Variants in FANCG observed in about 807,000 individuals in gnomAD.
FANCG encodes the protein FA complementation group G.
In FANCG, 67 loss-of-function variants were observed where a neutral mutation model predicts 73.3. The observed-to-expected ratio is 0.91, with a 90% confidence interval of 0.75 to 1.12. The LOEUF (loss-of-function observed/expected upper bound fraction) is 1.12, where lower values mean the gene tolerates loss of function less well. FANCG is among the 50% of genes most tolerant of loss of function. The pLI, the probability that FANCG is intolerant of heterozygous loss-of-function variation, is 0.00. For synonymous variants in FANCG, 297 were observed against 311.6 expected (o/e 0.95, Z 0.49); for missense variants, 643 against 735.6 (o/e 0.87, Z 1.46).
In FANCG at chr9:35,077,385, C is replaced by T; in HGVS notation, c.525G>A (p.Lys175=). The T allele has an allele frequency of 1.2e-6, 2 of 1,614,094 alleles. No individual in the cohort carries two copies. The highest frequency in any genetic ancestry group is 8.5e-7 in the Non-Finnish European group (1 of 1,180,010). Reference sequence around the variant, plus strand: ...AAGTTTTCAGAAGTAACAGCAGATCCTTAGAGGCTCCACTCTGGGGAAAGA... The same window carrying T: ...AAGTTTTCAGAAGTAACAGCAGATCTTTAGAGGCTCCACTCTGGGGAAAGA... ...TLNGSQSGAS[K]DLLLLLKTWS... The change falls in exon 5 of 14, where the codon AAG becomes AAA. Residue 175 remains lysine, a synonymous_variant. Transcript: ENST00000378643.
At position 35,079,851 on chromosome 9, in the gene FANCG, G is replaced by A. The variant is rs932666774; in HGVS notation, c.-327C>T. On this transcript the variant is annotated 5_prime_UTR_variant, in exon 1 of 14. Transcript: ENST00000378643. ...AGCAACCCCAAACAGGCTTAGGCGG[G>A]CTAGAAGCCGGGGTCGTGTCTGACT... 5 of 454,506 alleles carry A rather than the reference G, an allele frequency of 1.1e-5. No homozygotes were observed. Among genetic ancestry groups the A allele is most frequent in the South Asian group, 2.1e-5 (1 of 47,020 alleles). The allele number at this position is 454,506 out of a possible 1,614,324, so 28.2% of individuals were successfully genotyped here.
Position 35,074,418 on chromosome 9 carries a change from C to T in FANCG, c.1713G>A (p.Trp571Ter). The change falls in exon 13 of 14, where the codon TGG becomes TGA. Residue 571 changes from tryptophan to a stop codon, truncating the protein, a stop_gained. Transcript: ENST00000378643. LOFTEE classifies it high-confidence loss of function. ...LDRRDEATAL[W>*]WRLEAQTKGS... ...CCTTAGTTTGGGCCTCCAGCCTCCACCAGAGTGCAGTGGCCTCATCCCTCC... is the reference window on the plus strand; with the variant it reads ...CCTTAGTTTGGGCCTCCAGCCTCCATCAGAGTGCAGTGGCCTCATCCCTCC... 1.9e-6 allele frequency: 3 copies of T among 1,614,194 alleles called. No homozygotes were observed. Among genetic ancestry groups the T allele is most frequent in the Non-Finnish European group, 2.5e-6 (3 of 1,180,022 alleles).
Position 35,076,890 on chromosome 9 carries a change from C to G in FANCG, c.778-20G>C. 1.2e-6 allele frequency: 2 copies of G among 1,614,216 alleles called. No homozygotes were observed. Among genetic ancestry groups the G allele is most frequent in the Non-Finnish European group, 1.7e-6 (2 of 1,180,042 alleles). On this transcript the variant is annotated intron_variant, in intron 6 of 13. Coordinates refer to ENST00000378643, the MANE Select transcript of FANCG (RefSeq NM_004629.2). The stretch of plus-strand genomic sequence containing the variant: ...ATTTCCCTAAAGGGATAGGAGGACA[C>G]GGGCCTCAGCTACCCTTACAAAGCA...
chr9:35,079,624 C>A lies in FANCG; in HGVS notation c.-100G>T, dbSNP rs570546906. ...CCAGCGGGGAGGGGCCTGGGCACTT[C>A]TGCACCCCGCCGAGCTCCCCTGCTT... On this transcript the variant is annotated 5_prime_UTR_variant, in exon 1 of 14. Coordinates refer to ENST00000378643, the MANE Select transcript of FANCG (RefSeq NM_004629.2). The A allele has an allele frequency of 5.0e-6, 6 of 1,196,866 alleles. No individual in the cohort carries two copies. The highest frequency in any genetic ancestry group is 2.3e-5 in the East Asian group (1 of 42,782). 74.1% of individuals were successfully genotyped at this position (1,196,866 alleles called of 1,614,324 possible).
intron 4 of FANCG, among the ~76,000 whole-genome samples, chr9:35,077,818 T>G (rs1161579894): frequency 6.6e-6 from 1 of 150,678 alleles, no homozygotes; most frequent in Non-Finnish European, 1.5e-5. Context: ...AGGGCTGGAG[T>G]GCAGTGGCGT....
rs368277925 is a variant in FANCG at position 35,076,839 on chromosome 9, A to G, written c.809T>C (p.Val270Ala). ...GNPQRALLYL[V>A]AALKEGSAWG... is the part of the protein sequence containing the mutation. ...GGCTGATCCCTCTTTCAGGGCTGCA[A>G]CCAAGTACAACAGTGCTCTCTGTGG... is the stretch of plus-strand genomic sequence containing the variant. Residue 270 changes from valine to alanine, a missense_variant, in exon 7 of 14, where the codon GTT becomes GCT. Coordinates refer to ENST00000378643, the MANE Select transcript of FANCG (RefSeq NM_004629.2). 3.1e-6 allele frequency: 5 copies of G among 1,614,110 alleles called. No individual in the cohort carries two copies. The African/African-American group carries it at 4.0e-5, about 13-fold the overall frequency.
intron 10 of FANCG, 49 bp downstream of exon 10, chr9:35,075,416 C>A: frequency 6.2e-7 from 1 of 1,613,786 alleles, no homozygotes; most frequent in Non-Finnish European, 8.5e-7. Flanking sequence ...AACTCAGGTC[C>A]CAATCAGAAA....
chr9:35,076,690 C>T (rs1237908874), intron 7 of FANCG, 34 bp downstream of exon 7: 2 of 1,614,196 alleles, frequency 1.2e-6, no homozygotes, highest in Non-Finnish European at 1.7e-6. Flanking sequence ...CTCAGGAATC[C>T]TCCACCCCAC....
intron 8 of FANCG, 132 bp from the exon 9 acceptor site, chr9:35,076,160 T>C: frequency 9.9e-7 from 1 of 1,011,212 alleles, no homozygotes; most frequent in East Asian, 2.4e-5. Flanking sequence ...GGGAAGGTCT[T>C]AGGGCTCCAA....
At chr9:35,078,762 G>C in intron 2 of FANCG, 26 bp from the exon 3 acceptor site, 1 of 1,613,948 alleles carries the variant, frequency 6.2e-7, no homozygotes, top group South Asian at 1.1e-5. Context: ...TGGTCTTACA[G>C]ACTGCTCCCC....
In FANCG at chr9:35,075,294, C is replaced by T. The variant is rs777969388; in HGVS notation, c.1465G>A (p.Glu489Lys). 1.9e-6 allele frequency: 3 copies of T among 1,614,120 alleles called. No homozygotes were observed. The highest frequency in any genetic ancestry group is 2.5e-6 in the Non-Finnish European group (3 of 1,180,030). The change falls in exon 11 of 14, where the codon GAG becomes AAG. Residue 489 changes from glutamate to lysine, a missense_variant. By Grantham distance (56) the Glu-to-Lys change is moderately conservative. Transcript: ENST00000378643. ...TTTAGATCACCTTGTTCTTTTTCCTCAGGTGTGGCCCGGAAGAGCAGCTCG... is the reference window on the plus strand; with the variant it reads ...TTTAGATCACCTTGTTCTTTTTCCTTAGGTGTGGCCCGGAAGAGCAGCTCG... ...CLELLFRATP[E>K]EKEQGAAFNC...
In FANCG at chr9:35,074,975, C is replaced by G; in HGVS notation, c.1588G>C (p.Asp530His). The change falls in exon 12 of 14, where the codon GAT (aspartate) becomes CAT (histidine). Residue 530 changes from aspartate (D) to histidine (H), a missense_variant. By Grantham distance (81) the Asp-to-His change is moderately conservative. Coordinates refer to ENST00000378643, the MANE Select transcript of FANCG (RefSeq NM_004629.2). ...AGGAAGTCCTGTAAGGCTTTGGTAT[C>G]CTGGCCGCTGGCTACCCATTCCAGT... Reference protein sequence around the residue: ...RGLEWVASGQDTKALQDFLLS... With the variant: ...RGLEWVASGQHTKALQDFLLS... 6.2e-7 allele frequency: 1 copy of G among 1,614,198 alleles called. No individual in the cohort carries two copies. Among genetic ancestry groups the G allele is most frequent in the South Asian group, 1.1e-5 (1 of 91,082 alleles).
At chr9:35,076,057 C>G in intron 8 of FANCG, 29 bp from the exon 9 acceptor site, 3 of 1,608,170 alleles carry the variant, frequency 1.9e-6, no homozygotes, top group Middle Eastern at 1.7e-4. Context: ...TAAGCCTCAC[C>G]CTAGGCCCTA....
Position 35,078,137 on chromosome 9 carries a change from T to C in FANCG, c.510+4A>G. The C allele has an allele frequency of 6.2e-7, 1 of 1,613,760 alleles. No individual in the cohort carries two copies. The highest frequency in any genetic ancestry group is 8.5e-7 in the Non-Finnish European group (1 of 1,179,740). ...CCTCAGCTTCAGGTCACTTTCCCTA[T>C]TACCTGGCTGCCATTCAGGGTCTCT... On this transcript the variant is annotated splice_donor_region_variant and intron_variant, in intron 4 of 13. Coordinates refer to ENST00000378643, the MANE Select transcript of FANCG (RefSeq NM_004629.2).
chr9:35,074,273 C>T (rs568359829), intron 13 of FANCG, 57 bp from the exon 14 acceptor site: 1 of 1,610,652 alleles, frequency 6.2e-7, no homozygotes, highest in Non-Finnish European at 8.5e-7. Context: ...AGCTGGGCAG[C>T]CATACCCCCG....
At position 35,075,012 on chromosome 9, in the gene FANCG, T is replaced by C; in HGVS notation, c.1551A>G (p.Leu517=). The C allele has an allele frequency of 6.2e-7, 1 of 1,614,190 alleles. No homozygotes were observed. Among genetic ancestry groups the C allele is most frequent in the Non-Finnish European group, 8.5e-7 (1 of 1,180,028 alleles). The change falls in exon 12 of 14, where the codon CTA becomes CTG. Residue 517 remains leucine, a synonymous_variant. Transcript: ENST00000378643. ...CTACCCATTCCAGTCCACGACTAAT[T>C]AGGGCGGCTGCCCGAAGCTGCTGCA... ...AALQQLRAAA[L]ISRGLEWVAS...
At position 35,076,866 on chromosome 9, in the gene FANCG, T is replaced by C; in HGVS notation, c.782A>G (p.Asn261Ser). ...ALGSCHRKMG[N>S]PQRALLYLVA... ...CAAGTACAACAGTGCTCTCTGTGGA[T>C]TTCCCTAAAGGGATAGGAGGACACG... Residue 261 changes from asparagine (N) to serine (S), a missense_variant, in exon 7 of 14, where the codon AAT becomes AGT. By Grantham distance (46) the Asn-to-Ser change is conservative. Coordinates refer to ENST00000378643, the MANE Select transcript of FANCG (RefSeq NM_004629.2). 15 of 1,614,234 alleles carry C rather than the reference T, an allele frequency of 9.3e-6. No individual in the cohort carries two copies. Among genetic ancestry groups the C allele is most frequent in the Non-Finnish European group, 1.3e-5 (15 of 1,180,046 alleles).
chr9:35,074,184 C>T lies in FANCG; in HGVS notation c.1793G>A (p.Ser598Asn), dbSNP rs1316940742. The T allele has an allele frequency of 3.1e-6, 5 of 1,614,076 alleles. No individual in the cohort carries two copies. Among genetic ancestry groups the T allele is most frequent in the Non-Finnish European group, 4.2e-6 (5 of 1,180,030 alleles). Reference sequence around the variant, plus strand: ...GTCACGATCAGAGGGACGGATCCAGCTCAAATAGCTTTCTAGGTACAGGGG... The same window carrying T: ...GTCACGATCAGAGGGACGGATCCAGTTCAAATAGCTTTCTAGGTACAGGGG... ...SLPLYLESYLSWIRPSDRDAF... is the reference protein window; with the variant it reads ...SLPLYLESYLNWIRPSDRDAF... Residue 598 changes from serine (S) to asparagine (N), a missense_variant, in exon 14 of 14, where the codon AGC (serine) becomes AAC (asparagine). Ser to Asn is a conservative substitution (Grantham distance 46, BLOSUM62 1). Transcript: ENST00000378643.
rs757276792 is a variant in FANCG, at chr9:35,075,630, C to T, written c.1268G>A (p.Arg423His). Residue 423 changes from arginine to histidine, a missense_variant, in exon 10 of 14, where the codon CGC (arginine) becomes CAC (histidine). Arg to His is a conservative substitution (Grantham distance 29, BLOSUM62 0). Transcript: ENST00000378643. ...ALTLCEELLS[R>H]TSSLLPKMSR... ...CATCTTGGGTAGCAGAGATGATGTGCGGCTGAGCAACTCCTCACATAGAGT... is the reference window on the plus strand; with the variant it reads ...CATCTTGGGTAGCAGAGATGATGTGTGGCTGAGCAACTCCTCACATAGAGT... 2.2e-5 allele frequency: 36 copies of T among 1,613,612 alleles called. No individual in the cohort carries two copies. Among genetic ancestry groups the T allele is most frequent in the South Asian group, 2.1e-4 (19 of 91,070 alleles).
Sources: allele counts gnomAD v4.1 joint callset (sites outside exome capture counted in the v4.1 genomes callset), GRCh38; gene constraint gnomAD v4.1.1; transcripts MANE v1.5; gene names NCBI Gene and HGNC (gene_info 2026-07-23, HGNC 2026-07-21).